TUSC3: variants seen among roughly 807,000 people sequenced by gnomAD.
TUSC3 encodes dolichyl-diphosphooligosaccharide--protein glycosyltransferase subunit TUSC3.
Under a neutral mutation model 44.8 loss-of-function variants are expected in TUSC3, and 45 were observed. The observed-to-expected ratio is 1.00, with a 90% CI of 0.79 to 1.29. The LOEUF is 1.29. Ranked by LOEUF, TUSC3 falls within the 50% of genes most tolerant of loss-of-function variation. TUSC3 has a pLI of 0.00. For missense variants in TUSC3, 519 were observed against 437.9 expected (o/e 1.19, Z -1.65); for synonymous variants, 212 against 152.9 (o/e 1.39, Z -2.85).
rs909545523 is a variant in TUSC3, at chr8:15,581,973, T to G, written c.139-41107T>G. 2.6e-5 allele frequency among the ~76,000 whole-genome samples: 4 copies of G among 151,096 alleles called. No individual in the cohort carries two copies. In the East Asian group the frequency reaches 5.8e-4, roughly 22 times the overall value. On this transcript the variant is annotated intron_variant, in intron 1 of 10. Transcript: ENST00000503731. ...AGCAGTCAGCGAGATTCCGTGGGCG[T>G]AGGACCCTCTGAGCCAGGTGTGGGA...
rs867494532 is a variant in TUSC3 at position 15,573,198 on chromosome 8, C to A, written c.138+32630C>A. Among the ~76,000 whole-genome samples the A allele has an allele frequency of 7.5e-3, 758 of 101,146 alleles. 4 individuals carry two copies. The highest frequency in any genetic ancestry group is 0.015 in the South Asian group (43 of 2,924). The allele number at this position is 101,146 out of a possible 152,430, so 66.4% of individuals were successfully genotyped here. On this transcript the variant is annotated intron_variant, in intron 1 of 10. Coordinates refer to ENST00000503731, the MANE Select transcript of TUSC3 (RefSeq NM_006765.4). ...TCTCTCTCTCTCTCTCTCTCTCTCT[C>A]TCTCTATATATATATATATATATAT...
chr8:15,697,904 C>G (rs1809239570), intron 6 of TUSC3, among the ~76,000 whole-genome samples: 2 of 152,042 alleles, frequency 1.3e-5, no homozygotes, highest in Non-Finnish European at 2.9e-5. Flanking sequence ...AGTATTTAGT[C>G]TAGTTAATAA....
chr8:15,612,178 GC>G (rs1804791816), intron 1 of TUSC3, among the ~76,000 whole-genome samples: 1 of 152,114 alleles, frequency 6.6e-6, no homozygotes, highest in African/African-American at 2.4e-5. Context: ...ATGAGTACCT[GC>G]TATTCAGATA....
rs372356237 is a variant in TUSC3 at position 15,542,382 on chromosome 8, T to C, written c.138+1814T>C. Among the ~76,000 whole-genome samples, 24 of 152,216 alleles carry C rather than the reference T, an allele frequency of 1.6e-4. No homozygotes were observed. The East Asian group carries it at 3.7e-3, about 23-fold the overall frequency. On this transcript the variant is annotated intron_variant, in intron 1 of 10. Transcript: ENST00000503731. The stretch of plus-strand genomic sequence containing the variant: ...GGTCTGTGTTGATGTTAATGCTGGT[T>C]GGCTTTTCCAGAATTCCAAGAAGAA...
At chr8:15,702,168 G>A (rs919235566) in intron 6 of TUSC3, among the ~76,000 whole-genome samples, 1 of 152,192 alleles carries the variant, frequency 6.6e-6, no homozygotes, top group African/African-American at 2.4e-5. Context: ...GACTCTTTTT[G>A]TTTACTCTGG....
intron 1 of TUSC3, among the ~76,000 whole-genome samples, chr8:15,614,598 A>C (rs1804907955): frequency 6.6e-6 from 1 of 152,152 alleles, no homozygotes; most frequent in South Asian, 2.1e-4. Context: ...CCTGAGGCTT[A>C]TCCATGTCGT....
the TUSC3 span, among the ~76,000 whole-genome samples, chr8:15,809,566 A>C: frequency 6.6e-6 from 1 of 152,216 alleles, no homozygotes; most frequent in Non-Finnish European, 1.5e-5. Context: ...ATATATACTT[A>C]AAAGAAAGTC....
intron 1 of TUSC3, among the ~76,000 whole-genome samples, chr8:15,462,219 T>C (rs962422860): frequency 6.6e-6 from 1 of 152,108 alleles, no homozygotes; most frequent in Non-Finnish European, 1.5e-5. Context: ...TCATAAATCA[T>C]GTAATCATCA....
the TUSC3 span, among the ~76,000 whole-genome samples, chr8:15,843,532 T>C: frequency 2.6e-5 from 4 of 151,452 alleles, no homozygotes; most frequent in Middle Eastern, 3.4e-3. Flanking sequence ...ATGGTAGAAT[T>C]TTCTACCATC....
intron 1 of TUSC3, among the ~76,000 whole-genome samples, chr8:15,583,653 G>C (rs1803473030): frequency 6.6e-6 from 1 of 152,190 alleles, no homozygotes; most frequent in Admixed American, 6.5e-5. Context: ...TGGGATAGCA[G>C]GATAGCAAGC....
intron 1 of TUSC3, among the ~76,000 whole-genome samples, chr8:15,418,774 G>A (rs963809190): frequency 2.0e-5 from 3 of 152,170 alleles, no homozygotes; most frequent in Non-Finnish European, 2.9e-5. Context: ...GGGAGGCCAA[G>A]GCAGGAGGAT....
intron 1 of TUSC3, among the ~76,000 whole-genome samples, chr8:15,550,011 G>T (rs1414365168): frequency 6.6e-6 from 1 of 151,668 alleles, no homozygotes; most frequent in Non-Finnish European, 1.5e-5. Context: ...CATGTGAGAG[G>T]GTCATGATCG....
intron 2 of TUSC3, among the ~76,000 whole-genome samples, chr8:15,528,601 C>T (rs1202795003): frequency 6.6e-6 from 1 of 152,196 alleles, no homozygotes; most frequent in African/African-American, 2.4e-5. Flanking sequence ...CTCTGCTTTT[C>T]ACCTGGCTTC....
chr8:15,630,165 T>A (rs9693652), intron 2 of TUSC3, among the ~76,000 whole-genome samples: 50,623 of 151,850 alleles, frequency 0.33, 8,812 homozygotes, highest in East Asian at 0.42. Context: ...TTACTATGGA[T>A]CAGTAGATTT....
At chr8:15,668,388 T>C (rs1040804984) in intron 5 of TUSC3, among the ~76,000 whole-genome samples, 2 of 151,808 alleles carry the variant, frequency 1.3e-5, no homozygotes, top group African/African-American at 4.8e-5. Context: ...TTACCTTTTC[T>C]ATGTTTGTTC....
chr8:15,597,035 C>T (rs1458752801), intron 1 of TUSC3, among the ~76,000 whole-genome samples: 1 of 152,074 alleles, frequency 6.6e-6, no homozygotes, highest in Non-Finnish European at 1.5e-5. Flanking sequence ...TGGGTCAGTT[C>T]AGCAGAAGTC....
chr8:15,536,512 T>C (rs1378321585), upstream of TUSC3, among the ~76,000 whole-genome samples: 2 of 151,312 alleles, frequency 1.3e-5, no homozygotes, highest in African/African-American at 4.9e-5. Context: ...TGAAACCCTA[T>C]CTGTACTGAA....
intron 2 of TUSC3, among the ~76,000 whole-genome samples, chr8:15,516,005 C>A (rs1048113610): frequency 3.3e-4 from 50 of 152,098 alleles, no homozygotes; most frequent in Admixed American, 3.0e-3. Flanking sequence ...TTACTATGTC[C>A]TTAGCATTTT....
intron 1 of TUSC3, among the ~76,000 whole-genome samples, chr8:15,548,530 G>A (rs1319571382): frequency 2.0e-5 from 3 of 151,762 alleles, no homozygotes; most frequent in South Asian, 2.1e-4. Context: ...TTATTACCTC[G>A]AAAGTACACG....
Sources: gnomAD v4.1 joint callset for allele counts (sites outside exome capture counted in the v4.1 genomes callset) on GRCh38, gnomAD v4.1.1 for gene constraint, MANE v1.5 for transcripts, NCBI Gene and HGNC (gene_info 2026-07-23, HGNC 2026-07-21) for gene names.